Variants in CRX observed in about 807,000 individuals in gnomAD.
The protein encoded by CRX is cone-rod homeobox protein.
In CRX, 5 loss-of-function variants were observed where a neutral mutation model predicts 13.1. The observed-to-expected ratio is 0.38, with a 90% confidence interval of 0.20 to 0.80. The LOEUF is 0.80. Among genes scored for constraint, CRX ranks in the 30% least tolerant of loss-of-function variants. The pLI is 0.43. For synonymous variants in CRX, 179 were observed against 171.1 expected, an observed-to-expected ratio of 1.05 and a Z score of -0.36; for missense variants, 351 against 391.8, an observed-to-expected ratio of 0.90 and a Z score of 0.88.
Position 47,842,569 on chromosome 19 carries a change from C to T in CRX, c.*2602C>T, listed in dbSNP as rs562310108. The T allele has an allele frequency of 7.6e-4, 116 of 152,238 alleles. 2 individuals carry two copies. In the South Asian group the frequency reaches 0.021, roughly 28 times the overall value. The allele number at this position is 152,238 out of a possible 1,614,324, so 9.4% of individuals were successfully genotyped here. On this transcript the variant is annotated 3_prime_UTR_variant, in exon 4 of 4. Transcript: ENST00000221996. ...TGTGCTCTAGCCTGGGTCACAAGAG[C>T]GAAACTCCGTCTCAATAATAACAAC...
At chr19:47,830,556 C>T (rs961892924) in intron 1 of CRX, among the ~76,000 whole-genome samples, 1 of 151,850 alleles carries the variant, frequency 6.6e-6, no homozygotes, top group Non-Finnish European at 1.5e-5. Flanking sequence ...CAAAAATTAG[C>T]TGGGCGTGGT....
chr19:47,838,083 T>C (rs11670872), intron 3 of CRX, among the ~76,000 whole-genome samples: 26,838 of 152,156 alleles, frequency 0.18, 2,618 homozygotes, highest in Non-Finnish European at 0.22. Flanking sequence ...TAGATTAGTG[T>C]GTAGCTATGT....
chr19:47,834,279 G>T, intron 1 of CRX, 130 bp from the exon 2 acceptor site: 1 of 680,742 alleles, frequency 1.5e-6, no homozygotes, highest in Non-Finnish European at 2.7e-6. Flanking sequence ...CAGAGGTACA[G>T]AGAGGTGAGA....
At position 47,839,037 on chromosome 19, in the gene CRX, C is replaced by T. The variant is rs80230875; in HGVS notation, c.253-283C>T. On this transcript the variant is annotated intron_variant, in intron 3 of 3. Coordinates refer to ENST00000221996, the MANE Select transcript of CRX (RefSeq NM_000554.6). This position sits in a 1 kb window ranked among gnomAD's most constrained non-coding sequence, Gnocchi z 4.6. ...GGTAAATGCAGGCATGATGTATGTGCGTATGGTGTATGCATGTATAATTGT... is the reference window on the plus strand; with the variant it reads ...GGTAAATGCAGGCATGATGTATGTGTGTATGGTGTATGCATGTATAATTGT... Among the ~76,000 whole-genome samples the T allele has an allele frequency of 1.5e-4, 23 of 150,886 alleles. No homozygotes were observed. Among genetic ancestry groups the T allele is most frequent in the Non-Finnish European group, 3.0e-4 (20 of 67,698 alleles).
At chr19:47,831,102 T>A (rs1350765254) in intron 1 of CRX, among the ~76,000 whole-genome samples, 1 of 150,364 alleles carries the variant, frequency 6.7e-6, no homozygotes, top group Admixed American at 6.6e-5. Context: ...AGGTCAGGAG[T>A]TCGAGACCAG....
intron 1 of CRX, among the ~76,000 whole-genome samples, chr19:47,824,407 G>T (rs983647335): frequency 6.6e-6 from 1 of 152,142 alleles, no homozygotes; most frequent in Non-Finnish European, 1.5e-5. Flanking sequence ...TGCCGCTGAC[G>T]TGCGAGACAG....
intron 2 of CRX, among the ~76,000 whole-genome samples, chr19:47,836,032 C>T (rs1968113232): frequency 6.6e-6 from 1 of 152,216 alleles, no homozygotes; most frequent in South Asian, 2.1e-4. Context: ...ACGACTCGCA[C>T]ACCTCCTTGT....
intron 1 of CRX, among the ~76,000 whole-genome samples, chr19:47,832,230 C>G (rs554999984): frequency 2.1e-5 from 3 of 145,410 alleles, no homozygotes; most frequent in Non-Finnish European, 4.5e-5. Flanking sequence ...CTCAGCCTCC[C>G]GAGTAGCTGG....
Position 47,836,250 on chromosome 19 carries a change from C to T in CRX, c.108C>T (p.Pro36=), listed in dbSNP as rs1968116015. The change falls in exon 3 of 4, where the codon CCC becomes CCT. Residue 36 remains proline, a synonymous_variant. Transcript: ENST00000221996. ...TTTCCCATCCCACCCCAGGCGCCCCCAGGAAGCAGCGGCGGGAGCGCACCA... is the reference window on the plus strand; with the variant it reads ...TTTCCCATCCCACCCCAGGCGCCCCTAGGAAGCAGCGGCGGGAGCGCACCA... The part of the protein sequence containing the change: ...MHQAVPYPSA[P]RKQRRERTTF... The T allele has an allele frequency of 6.2e-7, 1 of 1,614,090 alleles. No individual in the cohort carries two copies. Among genetic ancestry groups the T allele is most frequent in the South Asian group, 1.1e-5 (1 of 91,094 alleles).
chr19:47,828,606 G>A (rs1409963647), intron 1 of CRX, among the ~76,000 whole-genome samples: 1 of 66,544 alleles, frequency 1.5e-5, no homozygotes, highest in Non-Finnish European at 3.1e-5. Flanking sequence ...AGAAAAGGAG[G>A]TAGGGAGCGT....
intron 1 of CRX, 57 bp from the exon 2 acceptor site, chr19:47,834,352 G>A (rs905268237): frequency 2.8e-5 from 28 of 996,000 alleles, no homozygotes; most frequent in South Asian, 1.3e-4. Context: ...CAGCCTGCAC[G>A]TCACCCCATG....
chr19:47,836,091 CAGT>C (rs1968114012), intron 2 of CRX, 149 bp from the exon 3 acceptor site: 4 of 936,192 alleles, frequency 4.3e-6, no homozygotes, highest in Non-Finnish European at 6.6e-6. Context: ...GCCAGGCACA[CAGT>C]GAGGTGTAGA....
intron 1 of CRX, among the ~76,000 whole-genome samples, chr19:47,825,658 G>A (rs142974372): frequency 9.3e-4 from 142 of 152,176 alleles, no homozygotes; most frequent in Non-Finnish European, 1.6e-3. Flanking sequence ...TGTGGCCCAC[G>A]CCTGTGATTC....
intron 1 of CRX, among the ~76,000 whole-genome samples, chr19:47,825,355 G>T (rs546148014): frequency 1.2e-4 from 19 of 152,054 alleles, no homozygotes; most frequent in African/African-American, 4.1e-4. Flanking sequence ...CCAACTCCTG[G>T]GCTCAAGCGA....
intron 1 of CRX, among the ~76,000 whole-genome samples, chr19:47,823,939 C>T (rs956259021): frequency 3.3e-5 from 5 of 152,178 alleles, no homozygotes; most frequent in African/African-American, 7.2e-5. Flanking sequence ...CGTGAGCCAC[C>T]ACACCCGGCC....
chr19:47,838,877 G>A (rs978847280), intron 3 of CRX, among the ~76,000 whole-genome samples: 11 of 151,546 alleles, frequency 7.3e-5, no homozygotes, highest in Admixed American at 2.0e-4. Flanking sequence ...TATGATGTAC[G>A]TATGATCATA....
At chr19:47,823,266 G>T (rs1967933477) in intron 1 of CRX, among the ~76,000 whole-genome samples, 1 of 152,222 alleles carries the variant, frequency 6.6e-6, no homozygotes, top group African/African-American at 2.4e-5. Flanking sequence ...ATGAAGGGCA[G>T]AAGGGTAGAA....
At position 47,839,340 on chromosome 19, in the gene CRX, G is replaced by A. The variant is rs1254989456; in HGVS notation, c.273G>A (p.Arg91=). Residue 91 remains arginine (R), a synonymous_variant, in exon 4 of 4, where the codon AGG becomes AGA. Transcript: ENST00000221996. This position sits in a 1 kb window ranked among gnomAD's most constrained non-coding sequence, Gnocchi z 4.6. ...CCCAGGTTTGGTTCAAGAACCGGAGGGCTAAATGCAGGCAGCAGCGACAGC... is the reference window on the plus strand; with the variant it reads ...CCCAGGTTTGGTTCAAGAACCGGAGAGCTAAATGCAGGCAGCAGCGACAGC... The part of the protein sequence containing the change: ...SRVQVWFKNR[R]AKCRQQRQQQ... The A allele has an allele frequency of 5.0e-6, 8 of 1,613,540 alleles. No individual in the cohort carries two copies. The highest frequency in any genetic ancestry group is 1.7e-4 in the Middle Eastern group (1 of 5,998).
chr19:47,828,330 TTAAAA>T (rs1968001663), intron 1 of CRX, among the ~76,000 whole-genome samples: 1 of 152,046 alleles, frequency 6.6e-6, no homozygotes, highest in Non-Finnish European at 1.5e-5. Context: ...GAATCTCAAC[TTAAAA>T]TAAACAGAAT....
Sources: gnomAD v4.1 joint callset for allele counts (sites outside exome capture counted in the v4.1 genomes callset) on GRCh38, gnomAD v4.1.1 for gene constraint, Gnocchi (gnomAD v3.1) non-coding constraint, MANE v1.5 for transcripts, NCBI Gene and HGNC (gene_info 2026-07-23, HGNC 2026-07-21) for gene names.